The following ASIC2 variants were observed in gnomAD, a reference collection of about 807,000 sequenced individuals.
The protein encoded by ASIC2 is acid sensing ion channel subunit 2.
Under a neutral mutation model 57.3 loss-of-function variants are expected in ASIC2, and 25 were observed. The observed-to-expected ratio is 0.44, with a 90% CI of 0.32 to 0.61. ASIC2 has a LOEUF of 0.61. Among genes scored for constraint, ASIC2 ranks in the 20% least tolerant of loss-of-function variants. The probability of loss-of-function intolerance (pLI) is 0.06; values close to 1 mark genes in which losing one functional copy is unlikely to be tolerated. For synonymous variants in ASIC2, 319 were observed against 307.5 expected (o/e 1.04, Z -0.39); for missense variants, 641 against 738.1 (o/e 0.87, Z 1.52).
At chr17:33,144,091 C>A (rs1011474976) in intron 1 of ASIC2, among the ~76,000 whole-genome samples, 1 of 151,954 alleles carries the variant, frequency 6.6e-6, no homozygotes, top group Non-Finnish European at 1.5e-5. Context: ...TGTGATTGGT[C>A]CGGGGTGGGC....
At position 33,984,985 on chromosome 17, in the gene ASIC2, G is replaced by A. The variant is rs1176337728; in HGVS notation, c.555+170993C>T. Among the ~76,000 whole-genome samples, 4 of 152,324 alleles carry A rather than the reference G, an allele frequency of 2.6e-5. No homozygotes were observed. In the South Asian group the frequency reaches 8.3e-4, roughly 32 times the overall value. ...CACTGAAAGGAAAGACATTCTAAAA[G>A]GTGGAAAGAAAGTGGCATTTGGGGA... On this transcript the variant is annotated intron_variant, in intron 1 of 9. Transcript: ENST00000359872.
In ASIC2 at chr17:33,924,908, C is replaced by T. The variant is rs1915792709; in HGVS notation, c.555+231070G>A. 4.6e-5 allele frequency among the ~76,000 whole-genome samples: 7 copies of T among 152,316 alleles called. No individual in the cohort carries two copies. In the South Asian group the frequency reaches 1.5e-3, roughly 32 times the overall value. ...TTCGTGATGACCATGCAGACACATG[C>T]CATGACAGTCACTTCTTGTTTAGTG... On this transcript the variant is annotated intron_variant, in intron 1 of 9. Transcript: ENST00000359872.
chr17:33,649,268 AC>A (rs1248381859), intron 1 of ASIC2, among the ~76,000 whole-genome samples: 1 of 152,212 alleles, frequency 6.6e-6, no homozygotes, highest in Non-Finnish European at 1.5e-5. Flanking sequence ...CTAACAATAA[AC>A]ACATGGGCAT....
chr17:33,026,435 TCC>T (rs2091859586), intron 4 of ASIC2, among the ~76,000 whole-genome samples: 1 of 152,222 alleles, frequency 6.6e-6, no homozygotes, highest in Non-Finnish European at 1.5e-5. Context: ...GGCTTAAGCA[TCC>T]TGCCTTCCCA....
intron 1 of ASIC2, among the ~76,000 whole-genome samples, chr17:33,460,798 A>G (rs1912610689): frequency 2.0e-5 from 3 of 152,106 alleles, no homozygotes; most frequent in Admixed American, 2.0e-4. Flanking sequence ...AGATTAAGTA[A>G]TTTTCTAAGT....
intron 2 of ASIC2, among the ~76,000 whole-genome samples, chr17:33,103,326 AC>A (rs2092221619): frequency 6.6e-6 from 1 of 152,054 alleles, no homozygotes; most frequent in South Asian, 2.1e-4. Flanking sequence ...CCTCCCAACA[AC>A]CCTATAAATG....
chr17:33,109,038 A>T (rs1029877999), intron 2 of ASIC2, among the ~76,000 whole-genome samples: 7 of 152,186 alleles, frequency 4.6e-5, no homozygotes, highest in Admixed American at 4.6e-4. Flanking sequence ...TGTATTAAAA[A>T]TTCAATTCCT....
chr17:33,111,991 C>T lies in ASIC2; in HGVS notation c.785G>A (p.Gly262Glu), dbSNP rs375105736. Reference sequence around the variant, plus strand: ...GATCTCCAGCCCGTTGCCTGTCCCCCCCTTGACCGTGGTGAGCAGAGGTTT... The same window carrying T: ...GATCTCCAGCCCGTTGCCTGTCCCCTCCTTGACCGTGGTGAGCAGAGGTTT... ...DGKPLLTTVKGGTGNGLEIML... is the reference protein window; with the variant it reads ...DGKPLLTTVKEGTGNGLEIML... Residue 262 changes from glycine (G) to glutamate (E), a missense_variant, in exon 2 of 10, where the codon GGG becomes GAG. Transcript: ENST00000225823. The T allele has an allele frequency of 6.8e-6, 11 of 1,614,066 alleles. No individual in the cohort carries two copies. Among genetic ancestry groups the T allele is most frequent in the Middle Eastern group, 3.3e-4 (2 of 6,060 alleles).
intron 6 of ASIC2, 135 bp downstream of exon 6, chr17:33,023,726 G>T: frequency 1.7e-6 from 2 of 1,192,982 alleles, no homozygotes; most frequent in Non-Finnish European, 2.4e-6. Context: ...CGCAGAGCGT[G>T]ACACACAGAG....
At chr17:33,668,521 C>G (rs186326741) in intron 1 of ASIC2, among the ~76,000 whole-genome samples, 1 of 152,196 alleles carries the variant, frequency 6.6e-6, no homozygotes, top group Non-Finnish European at 1.5e-5. Context: ...AGCCAAGAAA[C>G]AGTTCCCCAA....
At chr17:33,946,820 G>C (rs1257683024) in intron 1 of ASIC2, among the ~76,000 whole-genome samples, 3 of 152,210 alleles carry the variant, frequency 2.0e-5, no homozygotes, top group African/African-American at 4.8e-5. Flanking sequence ...ATATAGGAAA[G>C]AGTAGCAGAG....
intron 1 of ASIC2, among the ~76,000 whole-genome samples, chr17:33,264,980 G>A (rs1233687817): frequency 6.6e-6 from 1 of 152,266 alleles, no homozygotes; most frequent in Non-Finnish European, 1.5e-5. Context: ...AAGGGGCTTT[G>A]CCCCTGATTA....
At chr17:33,746,531 T>G (rs756537356) in intron 1 of ASIC2, among the ~76,000 whole-genome samples, 1 of 151,670 alleles carries the variant, frequency 6.6e-6, no homozygotes, top group Non-Finnish European at 1.5e-5. Flanking sequence ...TGTGTATATA[T>G]AGTTTTTATA....
intron 1 of ASIC2, among the ~76,000 whole-genome samples, chr17:33,204,367 G>A (rs1347798149): frequency 6.6e-6 from 1 of 152,158 alleles, no homozygotes. Context: ...CAGAGTATGA[G>A]GAGCCCTTCA....
chr17:33,488,032 A>G (rs1913630875), intron 1 of ASIC2, among the ~76,000 whole-genome samples: 2 of 152,174 alleles, frequency 1.3e-5, no homozygotes, highest in South Asian at 2.1e-4. Flanking sequence ...TCCCTTTCAT[A>G]TATACATAGA....
At chr17:33,922,047 A>T (rs1430343966) in intron 1 of ASIC2, among the ~76,000 whole-genome samples, 2 of 152,160 alleles carry the variant, frequency 1.3e-5, no homozygotes, top group African/African-American at 4.8e-5. Context: ...GCCACTTTGC[A>T]CTGTCAAAGT....
At chr17:33,068,070 A>T (rs1009911844) in intron 3 of ASIC2, among the ~76,000 whole-genome samples, 12 of 152,180 alleles carry the variant, frequency 7.9e-5, no homozygotes, top group Non-Finnish European at 1.2e-4. Flanking sequence ...CCACTCAGAC[A>T]ACCCAGAGAG....
At chr17:33,215,261 T>C (rs1309873393) in intron 1 of ASIC2, among the ~76,000 whole-genome samples, 1 of 152,212 alleles carries the variant, frequency 6.6e-6, no homozygotes, top group Non-Finnish European at 1.5e-5. Flanking sequence ...GGGCAACTGA[T>C]TGGAAAACAG....
intron 2 of ASIC2, among the ~76,000 whole-genome samples, chr17:33,097,167 T>C (rs1380427566): frequency 6.6e-6 from 1 of 152,178 alleles, no homozygotes; most frequent in Non-Finnish European, 1.5e-5. Flanking sequence ...ACCACATTCT[T>C]CATTGGTTTG....
Sources: allele counts gnomAD v4.1 joint callset (sites outside exome capture counted in the v4.1 genomes callset), GRCh38; gene constraint gnomAD v4.1.1; transcripts MANE v1.5; gene names NCBI Gene and HGNC (gene_info 2026-07-23, HGNC 2026-07-21).